C10orf90: variants seen among roughly 807,000 people sequenced by gnomAD.
C10orf90 encodes the protein (E2-independent) E3 ubiquitin-conjugating enzyme FATS.
C10orf90 carries 56 observed loss-of-function variants against 62.5 expected under a neutral mutation model. The observed-to-expected ratio is 0.90, with a 90% CI of 0.72 to 1.12. The LOEUF (loss-of-function observed/expected upper bound fraction) is 1.12. C10orf90 is among the 50% of genes most tolerant of loss of function. The pLI, the probability that C10orf90 is intolerant of heterozygous loss-of-function variation, is 0.00. For synonymous variants in C10orf90, 386 were observed against 340.4 expected, an observed-to-expected ratio of 1.13 and a Z score of -1.47; for missense variants, 970 against 880.4, an observed-to-expected ratio of 1.10 and a Z score of -1.29.
chr10:126,601,197 G>A (rs1212884530), intron 2 of C10orf90, among the ~76,000 whole-genome samples: 1 of 152,198 alleles, frequency 6.6e-6, no homozygotes, highest in African/African-American at 2.4e-5. Flanking sequence ...AGGGGTAGGG[G>A]CTGAGGGTGG....
Position 126,513,890 on chromosome 10 carries a change from A to G in C10orf90, c.363T>C (p.Asn121=). ...TTGCCTCTGTGACATCAGACTGGAG[A>G]TTTTTAAGGGCAATTTGATCTCTTC... ...HSRRDQIALK[N]LQSDVTEAKS... Residue 121 remains asparagine (N), a synonymous_variant, in exon 3 of 10, where the codon AAT becomes AAC. Transcript: ENST00000488181. The G allele has an allele frequency of 6.2e-7, 1 of 1,613,302 alleles. No homozygotes were observed. Among genetic ancestry groups the G allele is most frequent in the Non-Finnish European group, 8.5e-7 (1 of 1,179,456 alleles).
At chr10:126,599,704 T>C (rs1460070581) in intron 2 of C10orf90, among the ~76,000 whole-genome samples, 3 of 152,090 alleles carry the variant, frequency 2.0e-5, no homozygotes, top group African/African-American at 7.2e-5. Context: ...AATAGGGGAT[T>C]AGGGCACTAA....
chr10:126,432,001 C>T (rs1184504283), intron 7 of C10orf90, among the ~76,000 whole-genome samples: 1 of 152,164 alleles, frequency 6.6e-6, no homozygotes, highest in African/African-American at 2.4e-5. Flanking sequence ...GGACTGTGTC[C>T]AAGGGGGCTT....
chr10:126,438,589 T>C (rs1295172990), intron 7 of C10orf90, among the ~76,000 whole-genome samples: 6 of 152,296 alleles, frequency 3.9e-5, no homozygotes, highest in Middle Eastern at 3.4e-3. Flanking sequence ...GGTTCTCCTC[T>C]GGAATGCATT....
intron 2 of C10orf90, among the ~76,000 whole-genome samples, chr10:126,630,242 T>G (rs930648028): frequency 1.3e-5 from 2 of 152,156 alleles, no homozygotes; most frequent in African/African-American, 4.8e-5. Context: ...TCTGCCTTTA[T>G]GTTGAAGGCC....
intron 3 of C10orf90, among the ~76,000 whole-genome samples, chr10:126,512,890 G>A (rs961612791): frequency 4.6e-5 from 7 of 152,126 alleles, no homozygotes; most frequent in Non-Finnish European, 7.3e-5. Flanking sequence ...TTTCAGGCCC[G>A]GAGTCTCTGA....
chr10:126,546,778 A>C (rs1337484792), intron 2 of C10orf90, among the ~76,000 whole-genome samples: 3 of 152,202 alleles, frequency 2.0e-5, no homozygotes, highest in Admixed American at 6.5e-5. Flanking sequence ...AAAATAGAAG[A>C]TTTAATAAGA....
At chr10:126,508,686 C>T (rs529616164) in intron 3 of C10orf90, among the ~76,000 whole-genome samples, 12 of 152,180 alleles carry the variant, frequency 7.9e-5, no homozygotes, top group African/African-American at 2.6e-4. Context: ...TAGCGTGGGC[C>T]GGGACTCCCA....
intron 7 of C10orf90, among the ~76,000 whole-genome samples, chr10:126,450,953 G>A (rs1214439664): frequency 6.6e-6 from 1 of 152,044 alleles, no homozygotes; most frequent in Non-Finnish European, 1.5e-5. Context: ...CCAATAAGGG[G>A]TTAATATCCA....
chr10:126,565,726 C>T (rs1172723874), intron 2 of C10orf90, among the ~76,000 whole-genome samples: 2 of 152,042 alleles, frequency 1.3e-5, no homozygotes, highest in Non-Finnish European at 2.9e-5. Context: ...AACTCTCCAT[C>T]CAGGAGGGGA....
chr10:126,640,327 T>C (rs563098403), intron 2 of C10orf90, among the ~76,000 whole-genome samples: 2 of 152,302 alleles, frequency 1.3e-5, no homozygotes, highest in Non-Finnish European at 2.9e-5. Flanking sequence ...GTTTTCCCCA[T>C]GGGGTTCTCA....
At chr10:126,559,695 C>A (rs927570780) in intron 2 of C10orf90, among the ~76,000 whole-genome samples, 1 of 152,192 alleles carries the variant, frequency 6.6e-6, no homozygotes, top group Non-Finnish European at 1.5e-5. Context: ...CATCTCTAAG[C>A]AGAAGCCTAA....
At chr10:126,580,631 C>CAAAAAAA in intron 2 of C10orf90, among the ~76,000 whole-genome samples, 1 of 137,088 alleles carries the variant, frequency 7.3e-6, no homozygotes, top group African/African-American at 2.8e-5. Context: ...CCAGCCTGGG[C>CAAAAAAA]AACAGAGCGA....
intron 1 of C10orf90, among the ~76,000 whole-genome samples, chr10:126,662,206 T>C (rs1016474849): frequency 6.6e-6 from 1 of 152,194 alleles, no homozygotes; most frequent in Non-Finnish European, 1.5e-5. Context: ...TAGCCTTTAC[T>C]GAGGCTAGTT....
chr10:126,594,221 A>G (rs1367806327), intron 2 of C10orf90, among the ~76,000 whole-genome samples: 4 of 151,472 alleles, frequency 2.6e-5, no homozygotes, highest in African/African-American at 9.7e-5. Context: ...GCAGGACGGT[A>G]TGGCTAGAAA....
intron 2 of C10orf90, among the ~76,000 whole-genome samples, chr10:126,552,339 A>G (rs1239940354): frequency 1.3e-5 from 2 of 152,218 alleles, no homozygotes; most frequent in African/African-American, 4.8e-5. Flanking sequence ...TGTAGCACTA[A>G]TTGTAGCACT....
chr10:126,634,259 G>C (rs751383462), intron 2 of C10orf90, among the ~76,000 whole-genome samples: 18 of 152,152 alleles, frequency 1.2e-4, no homozygotes, highest in Non-Finnish European at 8.8e-5. Flanking sequence ...TAAAGAAAAT[G>C]AGGTGTATAG....
chr10:126,495,602 T>G (rs1453854557), intron 4 of C10orf90, among the ~76,000 whole-genome samples: 1 of 152,238 alleles, frequency 6.6e-6, no homozygotes. Context: ...CTTTACCATC[T>G]TTATTTCTTT....
chr10:126,550,436 T>C (rs1299560738), intron 2 of C10orf90, among the ~76,000 whole-genome samples: 5 of 152,198 alleles, frequency 3.3e-5, no homozygotes, highest in African/African-American at 1.2e-4. Flanking sequence ...GTATCCTTTA[T>C]GATACTGTAG....
Sources: allele counts gnomAD v4.1 joint callset (sites outside exome capture counted in the v4.1 genomes callset), GRCh38; gene constraint gnomAD v4.1.1; transcripts MANE v1.5; gene names NCBI Gene and HGNC (gene_info 2026-07-23, HGNC 2026-07-21).